Variants in ITGAX observed in about 807,000 individuals in gnomAD.
The protein encoded by ITGAX is integrin subunit alpha X.
A neutral mutation model predicts 140.2 loss-of-function variants in ITGAX; 99 were observed. That is an observed-to-expected ratio of 0.71 (90% CI 0.60 to 0.83). The LOEUF is 0.83. ITGAX is among the 40% of genes least tolerant of loss of function. The probability of loss-of-function intolerance (pLI) is 0.00; values close to 1 mark genes in which losing one functional copy is unlikely to be tolerated. For synonymous variants in ITGAX, 631 were observed against 600.4 expected (o/e 1.05, Z -0.75); for missense variants, 1,444 against 1,482.0 (o/e 0.97, Z 0.42).
chr16:31,362,332 T>C (rs2080838147), intron 11 of ITGAX, 128 bp downstream of exon 11: 2 of 356,166 alleles, frequency 5.6e-6, no homozygotes, highest in Non-Finnish European at 7.2e-6. Context: ...GGAGGGAGGA[T>C]GGGCACTGTG....
rs748347429 is a variant in ITGAX at position 31,357,038 on chromosome 16, G to T, written c.255G>T (p.Pro85=). 6.2e-7 allele frequency: 1 copy of T among 1,608,854 alleles called. No individual in the cohort carries two copies. The highest frequency in any genetic ancestry group is 1.1e-5 in the South Asian group (1 of 90,894). ...ACATATCTGTCCCCACAGTGCCCCCGGAGGCCGTGAACATGTCCCTGGGCC... is the reference window on the plus strand; with the variant it reads ...ACATATCTGTCCCCACAGTGCCCCCTGAGGCCGTGAACATGTCCCTGGGCC... The part of the protein sequence containing the change: ...ACEPIGLQVP[P]EAVNMSLGLS... The change falls in exon 4 of 30, where the codon CCG becomes CCT. Residue 85 remains proline (P), a synonymous_variant. Transcript: ENST00000268296.
chr16:31,362,884 A>G, intron 12 of ITGAX, 51 bp from the exon 13 acceptor site: 2 of 1,608,256 alleles, frequency 1.2e-6, no homozygotes, highest in Non-Finnish European at 8.5e-7. Context: ...CCTGGCCCAC[A>G]GGGCTGCCTC....
At chr16:31,381,781 T>C in intron 29 of ITGAX, 22 bp from the exon 30 acceptor site, 1 of 871,040 alleles carries the variant, frequency 1.1e-6, no homozygotes, top group Middle Eastern at 2.2e-4. Context: ...TTCCTGAGTT[T>C]CTTCTTCGTC....
At chr16:31,359,640 G>A in intron 5 of ITGAX, 60 bp from the exon 6 acceptor site, 1 of 1,585,222 alleles carries the variant, frequency 6.3e-7, no homozygotes, top group Non-Finnish European at 8.6e-7. Context: ...GTGGCCAGGA[G>A]GCCACGGTCC....
At position 31,371,767 on chromosome 16, in the gene ITGAX, T is replaced by G; in HGVS notation, c.2143T>G (p.Phe715Val). The G allele has an allele frequency of 1.9e-6, 3 of 1,613,964 alleles. No homozygotes were observed. The highest frequency in any genetic ancestry group is 1.1e-5 in the South Asian group (1 of 91,078). ...VLGLKAHCEN[F>V]NLLLPSCVED... is the part of the protein sequence containing the mutation. ...CGGGCTGAAGGCACACTGTGAAAAC[T>G]TCAACCTGCTGCTCCCGGTGCGTCT... is the stretch of plus-strand genomic sequence containing the variant. The change falls in exon 17 of 30, where the codon TTC becomes GTC. Residue 715 changes from phenylalanine (F) to valine (V), a missense_variant. By Grantham distance (50) the Phe-to-Val change is conservative. Coordinates refer to ENST00000268296, the MANE Select transcript of ITGAX (RefSeq NM_000887.5).
At position 31,373,296 on chromosome 16, in the gene ITGAX, T is replaced by C. The variant is rs765253534; in HGVS notation, c.2414T>C (p.Val805Ala). ...AGTAACCTGGAGCTGAACGCAGAAG[T>C]GATGGTGTGGAATGACGGGGAAGAC... ...VGSNLELNAEVMVWNDGEDSY... is the reference protein window; with the variant it reads ...VGSNLELNAEAMVWNDGEDSY... Residue 805 changes from valine (V) to alanine (A), a missense_variant, in exon 20 of 30, where the codon GTG becomes GCG. Physicochemically the swap from Val to Ala is moderately conservative, Grantham distance 64 (BLOSUM62 0). Coordinates refer to ENST00000268296, the MANE Select transcript of ITGAX (RefSeq NM_000887.5). 4.3e-6 allele frequency: 7 copies of C among 1,613,362 alleles called. No homozygotes were observed. Among genetic ancestry groups the C allele is most frequent in the Non-Finnish European group, 5.9e-6 (7 of 1,179,872 alleles).
Position 31,376,931 on chromosome 16 carries a change from GTCCCCTCACTGC to G in ITGAX, c.2625+23_2625+34del. ...CGGCGCCCAGGTCAGCCTGGCTTCT[GTCCCCTCACTGC>G]TCCCCTGCCCCACCCTGTCTTTACT... On this transcript the variant is annotated intron_variant, in intron 21 of 29. Coordinates refer to ENST00000268296, the MANE Select transcript of ITGAX (RefSeq NM_000887.5). The G allele has an allele frequency of 6.2e-7, 1 of 1,613,948 alleles. No individual in the cohort carries two copies. The highest frequency in any genetic ancestry group is 2.2e-5 in the East Asian group (1 of 44,884).
chr16:31,371,625 T>C lies in ITGAX; in HGVS notation c.2006-5T>C. 1 of 1,614,034 alleles carries C rather than the reference T, an allele frequency of 6.2e-7. No homozygotes were observed. Among genetic ancestry groups the C allele is most frequent in the East Asian group, 2.2e-5 (1 of 44,854 alleles). ...TCTCAACGCCGTCCCTGCGACCGCCTACAGGTGACCTCCAAAGCTCTGTGA... is the reference window on the plus strand; with the variant it reads ...TCTCAACGCCGTCCCTGCGACCGCCCACAGGTGACCTCCAAAGCTCTGTGA... On this transcript the variant is annotated splice_polypyrimidine_tract_variant and splice_region_variant and intron_variant, in intron 16 of 29. Transcript: ENST00000268296.
intron 14 of ITGAX, 25 bp from the exon 15 acceptor site, chr16:31,371,059 A>T: frequency 6.2e-7 from 1 of 1,613,132 alleles, no homozygotes; most frequent in Middle Eastern, 1.8e-4. Flanking sequence ...TTCCATCTTG[A>T]TTCACCCTTC....
intron 29 of ITGAX, among the ~76,000 whole-genome samples, chr16:31,381,448 G>A: frequency 6.6e-6 from 1 of 152,070 alleles, no homozygotes. Flanking sequence ...AATCCCAGCA[G>A]TTTGGGAGAT....
chr16:31,355,177 C>T lies in ITGAX; in HGVS notation c.-78C>T. On this transcript the variant is annotated 5_prime_UTR_variant, in exon 1 of 30. Coordinates refer to ENST00000268296, the MANE Select transcript of ITGAX (RefSeq NM_000887.5). Reference sequence around the variant, plus strand: ...CTTCCCCTGGCCACCTCTCTGCCCACTTGCTTCCTCAGTACCTTGGTCCAG... The same window carrying T: ...CTTCCCCTGGCCACCTCTCTGCCCATTTGCTTCCTCAGTACCTTGGTCCAG... The T allele has an allele frequency of 6.6e-7, 1 of 1,523,404 alleles. No individual in the cohort carries two copies. The highest frequency in any genetic ancestry group is 9.1e-7 in the Non-Finnish European group (1 of 1,103,050). The allele number at this position is 1,523,404 out of a possible 1,614,324, so 94.4% of individuals were successfully genotyped here.
Position 31,371,159 on chromosome 16 carries a change from C to G in ITGAX, c.1786C>G (p.Gln596Glu), listed in dbSNP as rs1244337930. 5 of 1,613,560 alleles carry G rather than the reference C, an allele frequency of 3.1e-6. No homozygotes were observed. Among genetic ancestry groups the G allele is most frequent in the African/African-American group, 1.3e-5 (1 of 74,942 alleles). ...ACTGAGCGGGGGTCAAGACCTCACC[C>G]AGGATGGACTGGTGGACCTGGCTGT... Reference protein sequence around the residue: ...QALSGGQDLTQDGLVDLAVGA... With the variant: ...QALSGGQDLTEDGLVDLAVGA... The change falls in exon 15 of 30, where the codon CAG becomes GAG. Residue 596 changes from glutamine (Q) to glutamate (E), a missense_variant. By Grantham distance (29) the Gln-to-Glu change is conservative. Transcript: ENST00000268296.
chr16:31,361,946 G>A (rs1189039798), intron 10 of ITGAX, 37 bp downstream of exon 10: 9 of 1,613,266 alleles, frequency 5.6e-6, no homozygotes, highest in East Asian at 2.2e-5. Flanking sequence ...TGTGCCGTGA[G>A]GGGAGGGGGA....
chr16:31,358,632 A>G (rs1010952856), intron 5 of ITGAX, among the ~76,000 whole-genome samples: 1 of 150,872 alleles, frequency 6.6e-6, no homozygotes, highest in Non-Finnish European at 1.5e-5. Flanking sequence ...CAAAACTACC[A>G]TTCAGCACTG....
rs1597064125 is a variant in ITGAX at position 31,360,142 on chromosome 16, G to T, written c.707+77G>T. 5 of 1,581,290 alleles carry T rather than the reference G, an allele frequency of 3.2e-6. No homozygotes were observed. In the East Asian group the frequency reaches 9.0e-5, roughly 28 times the overall value. On this transcript the variant is annotated intron_variant, in intron 7 of 29. Transcript: ENST00000268296. ...TGGGCCTCATCTGTCTCCACGAGAA[G>T]GGGACAGGCAGGGACCAAAATCCAG...
chr16:31,362,522 G>T, intron 11 of ITGAX, 89 bp from the exon 12 acceptor site: 1 of 1,471,632 alleles, frequency 6.8e-7, no homozygotes. Context: ...TTCTGGGGAG[G>T]GGAGATGGTG....
chr16:31,378,832 T>C (rs1014884357), intron 23 of ITGAX, among the ~76,000 whole-genome samples: 2 of 151,118 alleles, frequency 1.3e-5, no homozygotes, highest in African/African-American at 2.4e-5. Flanking sequence ...TTTTTTTTTT[T>C]TGAGACCAAG....
At position 31,373,370 on chromosome 16, in the gene ITGAX, C is replaced by T. The variant is rs748172917; in HGVS notation, c.2488C>T (p.Arg830Cys). The T allele has an allele frequency of 9.9e-6, 16 of 1,611,978 alleles. No homozygotes were observed. Among genetic ancestry groups the T allele is most frequent in the Admixed American group, 1.7e-5 (1 of 59,806 alleles). ...CTCCCACCCCGCAGGACTGTCCTAC[C>T]GCTACGTGGCAGAGGGCCAGGTGCA... ...TFSHPAGLSY[R>C]YVAEGQKQGQ... is the part of the protein sequence containing the mutation. The change falls in exon 20 of 30, where the codon CGC becomes TGC. Residue 830 changes from arginine (R) to cysteine (C), a missense_variant. Physicochemically the swap from Arg to Cys is radical, Grantham distance 180 (BLOSUM62 -3). Transcript: ENST00000268296.
At chr16:31,361,353 G>C (rs1012263197) in intron 9 of ITGAX, 140 bp downstream of exon 9, 1 of 1,000,504 alleles carries the variant, frequency 1.0e-6, no homozygotes, top group Non-Finnish European at 1.5e-6. Context: ...ATGTCTGTCA[G>C]CTTGTCCCCA....
Sources: gnomAD v4.1 joint callset for allele counts (sites outside exome capture counted in the v4.1 genomes callset) on GRCh38, gnomAD v4.1.1 for gene constraint, MANE v1.5 for transcripts, NCBI Gene and HGNC (gene_info 2026-07-23, HGNC 2026-07-21) for gene names.